DLG2: variants seen among roughly 807,000 people sequenced by gnomAD.
DLG2 encodes discs large MAGUK scaffold protein 2.
In DLG2, 45 loss-of-function variants were observed where a neutral mutation model predicts 132.5. That is an observed-to-expected ratio of 0.34 (90% CI 0.27 to 0.44). DLG2 has a LOEUF of 0.44. DLG2 is among the 20% of genes least tolerant of loss of function. The pLI, the probability that DLG2 is intolerant of heterozygous loss-of-function variation, is 1.00. For missense variants in DLG2, 1,045 were observed against 1,196.9 expected (o/e 0.87, Z 1.87); for synonymous variants, 424 against 419.6 (o/e 1.01, Z -0.13).
chr11:84,906,239 G>GTTTTTTT (rs113738126), intron 6 of DLG2, among the ~76,000 whole-genome samples: 1 of 131,584 alleles, frequency 7.6e-6, no homozygotes, highest in Non-Finnish European at 1.6e-5. Context: ...TGGTTTTTTT[G>GTTTTTTT]TTTTTTTTTT....
At chr11:84,436,000 A>C (rs1002985748) in intron 7 of DLG2, among the ~76,000 whole-genome samples, 9 of 152,174 alleles carry the variant, frequency 5.9e-5, no homozygotes, top group African/African-American at 1.7e-4. Context: ...ATTTGTTCCA[A>C]TAAAAGACCC....
chr11:83,869,566 A>G (rs755563684), intron 16 of DLG2, among the ~76,000 whole-genome samples: 2 of 152,242 alleles, frequency 1.3e-5, no homozygotes, highest in Non-Finnish European at 2.9e-5. Context: ...GTGAGAAAGT[A>G]CAATAGCAGT....
chr11:84,871,911 G>C (rs2085531266), intron 6 of DLG2, among the ~76,000 whole-genome samples: 1 of 152,118 alleles, frequency 6.6e-6, no homozygotes, highest in Non-Finnish European at 1.5e-5. Flanking sequence ...CTGACCTCAG[G>C]TGATCCGCCT....
chr11:85,280,366 AAAATCAGATAGGTT>A (rs1157886856), intron 4 of DLG2, among the ~76,000 whole-genome samples: 1 of 152,042 alleles, frequency 6.6e-6, no homozygotes, highest in Non-Finnish European at 1.5e-5. Context: ...TTACAGATTA[AAAATCAGATAGGTT>A]AAATAATTTG....
chr11:84,623,393 T>C (rs987202769), intron 6 of DLG2, among the ~76,000 whole-genome samples: 3 of 152,192 alleles, frequency 2.0e-5, no homozygotes, highest in African/African-American at 4.8e-5. Context: ...TTCCCAGACC[T>C]TTCCAGCTAT....
At chr11:85,321,984 A>C (rs1289231392) in intron 3 of DLG2, among the ~76,000 whole-genome samples, 1 of 152,108 alleles carries the variant, frequency 6.6e-6, no homozygotes, top group Non-Finnish European at 1.5e-5. Context: ...TATAAGAATC[A>C]ACCAGGAAAT....
intron 14 of DLG2, among the ~76,000 whole-genome samples, chr11:83,959,401 T>C (rs1047588245): frequency 8.5e-5 from 13 of 152,150 alleles, no homozygotes; most frequent in Non-Finnish European, 1.5e-4. Flanking sequence ...TTATAGGTTA[T>C]GGGAAAGTTC....
intron 2 of DLG2, among the ~76,000 whole-genome samples, chr11:85,611,513 T>C (rs1371708496): frequency 1.3e-5 from 2 of 152,198 alleles, no homozygotes; most frequent in South Asian, 4.1e-4. Context: ...CTTAGACTGA[T>C]GGAAGTTCAT....
intron 18 of DLG2, among the ~76,000 whole-genome samples, chr11:83,721,685 A>C (rs1177862093): frequency 6.6e-6 from 1 of 152,254 alleles, no homozygotes; most frequent in African/African-American, 2.4e-5. Flanking sequence ...TAATGCTGTA[A>C]GTGAAATTTA....
At chr11:83,964,571 T>C (rs1398372543) in intron 13 of DLG2, among the ~76,000 whole-genome samples, 1 of 152,012 alleles carries the variant, frequency 6.6e-6, no homozygotes, top group Non-Finnish European at 1.5e-5. Context: ...GCAAGCTTAC[T>C]ACTGTTGACA....
At chr11:85,545,217 A>G (rs572840335) in intron 3 of DLG2, among the ~76,000 whole-genome samples, 4 of 152,246 alleles carry the variant, frequency 2.6e-5, no homozygotes, top group African/African-American at 9.6e-5. Context: ...GAATTTTGTC[A>G]AAGGCCTTTT....
intron 6 of DLG2, among the ~76,000 whole-genome samples, chr11:84,905,272 T>A (rs2091375531): frequency 1.3e-5 from 2 of 152,214 alleles, no homozygotes; most frequent in South Asian, 2.1e-4. Flanking sequence ...CAAGTTCTTC[T>A]TTTTCTACTT....
At chr11:84,338,688 C>A (rs1176507130) in intron 7 of DLG2, among the ~76,000 whole-genome samples, 1 of 152,056 alleles carries the variant, frequency 6.6e-6, no homozygotes, top group Non-Finnish European at 1.5e-5. Flanking sequence ...CACCTGTAAT[C>A]CCAGCTACAC....
intron 8 of DLG2, among the ~76,000 whole-genome samples, chr11:84,218,184 A>G (rs1184531890): frequency 6.6e-6 from 1 of 151,282 alleles, no homozygotes; most frequent in Non-Finnish European, 1.5e-5. Context: ...GAGAAAGAAA[A>G]AGAAACAAAG....
At chr11:85,016,082 T>C (rs375155783) in intron 6 of DLG2, among the ~76,000 whole-genome samples, 1 of 152,228 alleles carries the variant, frequency 6.6e-6, no homozygotes, top group East Asian at 1.9e-4. Context: ...AAAAACGTCA[T>C]TGTCAAATCC....
chr11:84,133,872 G>T (rs1391523360), intron 9 of DLG2, among the ~76,000 whole-genome samples: 1 of 152,064 alleles, frequency 6.6e-6, no homozygotes, highest in African/African-American at 2.4e-5. Context: ...TAATGAGGTA[G>T]CTGTGTTGAG....
chr11:83,857,515 T>C (rs977051851), intron 16 of DLG2, among the ~76,000 whole-genome samples: 1 of 152,170 alleles, frequency 6.6e-6, no homozygotes, highest in Non-Finnish European at 1.5e-5. Flanking sequence ...AACAAGAAGA[T>C]CATCCCCAAG....
At chr11:85,092,455 T>G (rs1000860320) in intron 6 of DLG2, among the ~76,000 whole-genome samples, 3 of 152,144 alleles carry the variant, frequency 2.0e-5, no homozygotes, top group African/African-American at 4.8e-5. Flanking sequence ...TTATTTACAT[T>G]TTTAAAAGTG....
intron 7 of DLG2, among the ~76,000 whole-genome samples, chr11:84,291,896 GTTTCT>G (rs1425296562): frequency 6.6e-6 from 1 of 150,808 alleles, no homozygotes; most frequent in East Asian, 1.9e-4. Context: ...ATCTTCAATA[GTTTCT>G]TTTAAGTATT....
Sources: allele counts gnomAD v4.1 joint callset (sites outside exome capture counted in the v4.1 genomes callset), GRCh38; gene constraint gnomAD v4.1.1; transcripts MANE v1.5; gene names NCBI Gene and HGNC (gene_info 2026-07-23, HGNC 2026-07-21).